The following FZD6 variants were observed in gnomAD, a reference collection of about 807,000 sequenced individuals.
FZD6 encodes frizzled class receptor 6.
In FZD6, 49 loss-of-function variants were observed where a neutral mutation model predicts 61.4. That is an observed-to-expected ratio of 0.80 (90% CI 0.63 to 1.01). The LOEUF is 1.01. Among genes scored for constraint, FZD6 ranks in the 50% least tolerant of loss-of-function variants. The probability of loss-of-function intolerance (pLI) is 0.00; values close to 1 mark genes in which losing one functional copy is unlikely to be tolerated. For synonymous variants in FZD6, 265 were observed against 292.2 expected, an observed-to-expected ratio of 0.91 and a Z score of 0.95; for missense variants, 724 against 848.2, an observed-to-expected ratio of 0.85 and a Z score of 1.82.
At chr8:103,321,404 T>C (rs894643290) in intron 3 of FZD6, among the ~76,000 whole-genome samples, 2 of 152,224 alleles carry the variant, frequency 1.3e-5, no homozygotes, top group African/African-American at 4.8e-5. Flanking sequence ...GGAGAATATT[T>C]TTTCATTTCT....
chr8:103,302,181 G>C (rs1814191741), intron 2 of FZD6, among the ~76,000 whole-genome samples: 1 of 152,012 alleles, frequency 6.6e-6, no homozygotes. Flanking sequence ...TGTCACCCTG[G>C]CTCAGACTTT....
At chr8:103,304,729 G>C (rs1047368513) in intron 2 of FZD6, among the ~76,000 whole-genome samples, 1 of 152,108 alleles carries the variant, frequency 6.6e-6, no homozygotes, top group Admixed American at 6.5e-5. Flanking sequence ...GCTGAACCTT[G>C]GTTTAAAGTA....
chr8:103,318,761 T>C lies in FZD6; in HGVS notation c.349T>C (p.Trp117Arg), dbSNP rs760023367. The C allele has an allele frequency of 7.5e-6, 12 of 1,607,540 alleles. No individual in the cohort carries two copies. Among genetic ancestry groups the C allele is most frequent in the Admixed American group, 1.7e-5 (1 of 59,946 alleles). ...KKLIDTFGIR[W>R]PEELECDRLQ... ...ATTAATTGACACTTTTGGGATCCGA[T>C]GGCCTGAGGAGCTTGAATGTGACAG... Residue 117 changes from tryptophan to arginine, a missense_variant, in exon 3 of 7, where the codon TGG (tryptophan) becomes CGG (arginine). Coordinates refer to ENST00000358755, the MANE Select transcript of FZD6 (RefSeq NM_003506.4).
At chr8:103,303,886 C>T (rs1157490161) in intron 2 of FZD6, among the ~76,000 whole-genome samples, 3 of 150,968 alleles carry the variant, frequency 2.0e-5, no homozygotes, top group African/African-American at 7.3e-5. Flanking sequence ...AGGAATTCAA[C>T]TTTTGATCGG....
intron 2 of FZD6, chr8:103,307,975 T>G (rs115904584): frequency 0.013 from 5,971 of 455,806 alleles, 269 homozygotes; most frequent in African/African-American, 0.1. Context: ...TGACACTAGA[T>G]AGTTGGTTGA....
At position 103,318,572 on chromosome 8, in the gene FZD6, T is replaced by C. The variant is rs1279256106; in HGVS notation, c.178-18T>C. 1.4e-6 allele frequency: 2 copies of C among 1,421,198 alleles called. No individual in the cohort carries two copies. The highest frequency in any genetic ancestry group is 1.4e-5 in the African/African-American group (1 of 71,346). 88.0% of individuals were successfully genotyped at this position (1,421,198 alleles called of 1,614,324 possible). On this transcript the variant is annotated intron_variant, in intron 2 of 6. Coordinates refer to ENST00000358755, the MANE Select transcript of FZD6 (RefSeq NM_003506.4). The stretch of plus-strand genomic sequence containing the variant: ...GTTATTAAAATGTTTTCTAACTGTA[T>C]CTTGATGTCTTTAATAGCATTTTCT...
At chr8:103,315,178 A>T (rs541185589) in intron 2 of FZD6, among the ~76,000 whole-genome samples, 1 of 152,218 alleles carries the variant, frequency 6.6e-6, no homozygotes, top group African/African-American at 2.4e-5. Flanking sequence ...CCCTTGAATC[A>T]GAATTTTCAT....
At chr8:103,328,994 TG>T (rs1563694780) in intron 5 of FZD6, among the ~76,000 whole-genome samples, 53 of 139,464 alleles carry the variant, frequency 3.8e-4, no homozygotes, top group African/African-American at 1.4e-3. Context: ...TTTATATTTA[TG>T]AGTAATTCAT....
intron 2 of FZD6, 55 bp from the exon 3 acceptor site, chr8:103,318,534 AT>A (rs1814694171): frequency 4.1e-6 from 4 of 976,808 alleles, no homozygotes; most frequent in African/African-American, 1.6e-5. Flanking sequence ...AAATATATTA[AT>A]TTTATTCATT....
At position 103,329,911 on chromosome 8, in the gene FZD6, G is replaced by T. The variant is rs1381945857; in HGVS notation, c.1798G>T (p.Val600Leu). 2.5e-6 allele frequency: 4 copies of T among 1,614,068 alleles called. No individual in the cohort carries two copies. Among genetic ancestry groups the T allele is most frequent in the Non-Finnish European group, 3.4e-6 (4 of 1,180,052 alleles). ...CTCACCAGAAACATCAATGAGAGAG[G>T]TGAAAGCGGACGGAGCTAGCACCCC... is the stretch of plus-strand genomic sequence containing the variant. ...QTSPETSMRE[V>L]KADGASTPRL... Residue 600 changes from valine (V) to leucine (L), a missense_variant, in exon 6 of 7, where the codon GTG (valine) becomes TTG (leucine). By Grantham distance (32) the Val-to-Leu change is conservative (BLOSUM62 1). Coordinates refer to ENST00000358755, the MANE Select transcript of FZD6 (RefSeq NM_003506.4).
intron 2 of FZD6, among the ~76,000 whole-genome samples, chr8:103,317,273 T>C (rs1256778168): frequency 6.6e-6 from 1 of 152,078 alleles, no homozygotes. Flanking sequence ...AGAGACAAAG[T>C]GGTCAGAAAT....
chr8:103,325,145 A>G lies in FZD6; in HGVS notation c.1039A>G (p.Lys347Glu), dbSNP rs763375328. Residue 347 changes from lysine (K) to glutamate (E), a missense_variant, in exon 4 of 7, where the codon AAA (lysine) becomes GAA (glutamate). Transcript: ENST00000358755. The stretch of plus-strand genomic sequence containing the variant: ...GACTGTTATGCTTCTTGCTATGAAC[A>G]AAGTTGAAGGAGACAACATTAGTGG... ...FLTVMLLAMN[K>E]VEGDNISGVC... 5.6e-6 allele frequency: 9 copies of G among 1,614,108 alleles called. No individual in the cohort carries two copies. The highest frequency in any genetic ancestry group is 6.8e-6 in the Non-Finnish European group (8 of 1,179,950).
chr8:103,330,051 G>A lies in FZD6; in HGVS notation c.1938G>A (p.Ala646=), dbSNP rs770663620. The A allele has an allele frequency of 1.2e-5, 20 of 1,613,650 alleles. No homozygotes were observed. The highest frequency in any genetic ancestry group is 2.7e-5 in the African/African-American group (2 of 74,912). ...AGGCAGGCAGTGTATCTGAAAGTGC[G>A]CGGAGTGAAGGAAGGTGAGATTTGA... The part of the protein sequence containing the change: ...KGQAGSVSES[A]RSEGRISPKS... Residue 646 remains alanine, a synonymous_variant, in exon 6 of 7, where the codon GCG becomes GCA. Transcript: ENST00000358755.
chr8:103,308,427 T>C (rs1814401814), intron 2 of FZD6, among the ~76,000 whole-genome samples: 1 of 152,162 alleles, frequency 6.6e-6, no homozygotes, highest in South Asian at 2.1e-4. Flanking sequence ...CATGAATCAA[T>C]ATAACTTCTT....
intron 4 of FZD6, among the ~76,000 whole-genome samples, chr8:103,326,607 GATATA>G (rs992290765): frequency 3.3e-5 from 5 of 150,996 alleles, no homozygotes; most frequent in African/African-American, 9.7e-5. Context: ...AGTGGAGAAG[GATATA>G]ATATTCCTGT....
chr8:103,330,202 G>C (rs961634928), intron 6 of FZD6, 137 bp downstream of exon 6: 50 of 770,624 alleles, frequency 6.5e-5, no homozygotes, highest in South Asian at 3.8e-4. Flanking sequence ...TTTGGGTTCA[G>C]CCTATAAATA....
rs1359184533 is a variant in FZD6 at position 103,329,881 on chromosome 8, C to T, written c.1768C>T (p.Gln590Ter). 9 of 1,613,978 alleles carry T rather than the reference C, an allele frequency of 5.6e-6. No individual in the cohort carries two copies. The highest frequency in any genetic ancestry group is 7.6e-6 in the Non-Finnish European group (9 of 1,180,016). ...AGGACAAGAAACTTTGACAGAAATCCAAACCTCACCAGAAACATCAATGAG... is the reference window on the plus strand; with the variant it reads ...AGGACAAGAAACTTTGACAGAAATCTAAACCTCACCAGAAACATCAATGAG... ...YLGQETLTEIQTSPETSMREV... is the reference protein window; with the variant it reads ...YLGQETLTEI The change falls in exon 6 of 7, where the codon CAA becomes TAA. Residue 590 changes from glutamine (Q) to a stop codon, truncating the protein, a stop_gained. Transcript: ENST00000358755. LOFTEE classifies it high-confidence loss of function.
intron 2 of FZD6, among the ~76,000 whole-genome samples, chr8:103,300,920 A>T (rs1164142123): frequency 1.3e-5 from 2 of 152,152 alleles, no homozygotes; most frequent in Admixed American, 6.5e-5. Context: ...TGGTTTAGAG[A>T]TATGCAAATT....
chr8:103,321,605 G>A (rs967266821), intron 3 of FZD6, among the ~76,000 whole-genome samples: 1 of 152,186 alleles, frequency 6.6e-6, no homozygotes, highest in Admixed American at 6.5e-5. Context: ...AGAACTGTGT[G>A]GTTATGGCAT....
Sources: gnomAD v4.1 joint callset for allele counts (sites outside exome capture counted in the v4.1 genomes callset) on GRCh38, gnomAD v4.1.1 for gene constraint, MANE v1.5 for transcripts, NCBI Gene and HGNC (gene_info 2026-07-23, HGNC 2026-07-21) for gene names.